SH3GLB1: variants seen among roughly 807,000 people sequenced by gnomAD.
The protein encoded by SH3GLB1 is endophilin-B1.
A neutral mutation model predicts 42.0 loss-of-function variants in SH3GLB1; 17 were observed. That is an observed-to-expected ratio of 0.40 (90% confidence interval 0.28 to 0.61). The LOEUF is 0.61. SH3GLB1 is among the 20% of genes least tolerant of loss of function. SH3GLB1 has a pLI of 0.36. For missense variants in SH3GLB1, 355 were observed against 426.3 expected (o/e 0.83, Z 1.47); for synonymous variants, 132 against 146.6 (o/e 0.90, Z 0.72).
At position 86,716,627 on chromosome 1, in the gene SH3GLB1, T is replaced by C. The variant is rs553386225; in HGVS notation, c.214+762T>C. Among the ~76,000 whole-genome samples the C allele has an allele frequency of 2.6e-5, 4 of 152,348 alleles. No individual in the cohort carries two copies. In the South Asian group the frequency reaches 6.2e-4, roughly 24 times the overall value. On this transcript the variant is annotated intron_variant, in intron 2 of 8. Coordinates refer to ENST00000370558, the MANE Select transcript of SH3GLB1 (RefSeq NM_016009.5). Reference sequence around the variant, plus strand: ...TTCACATAAATTATTTCATTTCATCTTCAGACAACTATGAGATTTTCAGAT... The same window carrying C: ...TTCACATAAATTATTTCATTTCATCCTCAGACAACTATGAGATTTTCAGAT...
rs1248359769 is a variant in SH3GLB1, at chr1:86,746,526, A to T, written c.*3291A>T. On this transcript the variant is annotated 3_prime_UTR_variant, in exon 9 of 9. Transcript: ENST00000370558. Reference sequence around the variant, plus strand: ...CATGTGAGTCTCAAACGCTGGAGAGAGAGTTCCACAACCACCCCTGCCCTT... The same window carrying T: ...CATGTGAGTCTCAAACGCTGGAGAGTGAGTTCCACAACCACCCCTGCCCTT... The T allele has an allele frequency of 6.6e-6, 1 of 152,242 alleles. No individual in the cohort carries two copies. The highest frequency in any genetic ancestry group is 1.5e-5 in the Non-Finnish European group (1 of 68,124). 9.4% of individuals were successfully genotyped at this position (152,242 alleles called of 1,614,324 possible). A position where few individuals can be genotyped will look rare whatever the true frequency, so the allele number is the denominator to read the frequency against.
chr1:86,708,010 T>C (rs1033896728), intron 1 of SH3GLB1, among the ~76,000 whole-genome samples: 11 of 152,148 alleles, frequency 7.2e-5, no homozygotes, highest in African/African-American at 2.7e-4. Context: ...CAACGGAATG[T>C]TGATAGTTGT....
In SH3GLB1 at chr1:86,747,361, T is replaced by C. The variant is rs1269691115; in HGVS notation, c.*4126T>C. 6.6e-6 allele frequency: 1 copy of C among 152,464 alleles called. No individual in the cohort carries two copies. The highest frequency in any genetic ancestry group is 1.5e-5 in the Non-Finnish European group (1 of 68,036). The allele number at this position is 152,464 out of a possible 1,614,324, so 9.4% of individuals were successfully genotyped here. A position where few individuals can be genotyped will look rare whatever the true frequency, so the allele number is the denominator to read the frequency against. Reference sequence around the variant, plus strand: ...TCTGAGAGTGGAGCCCAGCAATCTGTTGTAAAAGCTGTTTGAGTAATACTG... The same window carrying C: ...TCTGAGAGTGGAGCCCAGCAATCTGCTGTAAAAGCTGTTTGAGTAATACTG... On this transcript the variant is annotated 3_prime_UTR_variant, in exon 9 of 9. Transcript: ENST00000370558.
intron 5 of SH3GLB1, among the ~76,000 whole-genome samples, chr1:86,726,529 G>A (rs1655204296): frequency 6.6e-6 from 1 of 151,824 alleles, no homozygotes; most frequent in Non-Finnish European, 1.5e-5. Context: ...AGTAAAAGAT[G>A]ATACAAATGA....
chr1:86,716,250 G>T (rs868206922), intron 2 of SH3GLB1, among the ~76,000 whole-genome samples: 1 of 149,534 alleles, frequency 6.7e-6, no homozygotes, highest in Non-Finnish European at 1.5e-5. Flanking sequence ...TAAGTTTTTG[G>T]TGTGTTTTTT....
intron 5 of SH3GLB1, among the ~76,000 whole-genome samples, chr1:86,726,471 CG>C (rs1277102266): frequency 1.3e-5 from 2 of 151,772 alleles, no homozygotes; most frequent in Admixed American, 1.3e-4. Context: ...TTCTCTGCTG[CG>C]TATTTTTGAG....
intron 7 of SH3GLB1, among the ~76,000 whole-genome samples, chr1:86,738,264 T>G (rs1396497374): frequency 6.6e-6 from 1 of 151,898 alleles, no homozygotes; most frequent in Admixed American, 6.6e-5. Flanking sequence ...TTGTTTTGTT[T>G]TGTTTTGTTT....
At chr1:86,718,947 A>G (rs1439130982) in intron 2 of SH3GLB1, among the ~76,000 whole-genome samples, 1 of 152,240 alleles carries the variant, frequency 6.6e-6, no homozygotes, top group Admixed American at 6.5e-5. Context: ...CCAAGGCATC[A>G]TATTGCTGAT....
At position 86,742,400 on chromosome 1, in the gene SH3GLB1, A is replaced by G. The variant is rs752853311; in HGVS notation, c.954A>G (p.Ala318=). Residue 318 remains alanine (A), a synonymous_variant, in exon 8 of 9, where the codon GCA becomes GCG. Transcript: ENST00000370558. The stretch of plus-strand genomic sequence containing the variant: ...CCAGGGTTCTCTATGATTATGATGC[A>G]GCAAACAGTACTGAATTATCACTTC... ...RKARVLYDYD[A]ANSTELSLLA... The G allele has an allele frequency of 4.3e-6, 7 of 1,614,008 alleles. No individual in the cohort carries two copies. The South Asian group carries it at 6.6e-5, about 15-fold the overall frequency.
rs549256287 is a variant in SH3GLB1, at chr1:86,714,374, A to G, written c.73-1350A>G. 7.2e-5 allele frequency among the ~76,000 whole-genome samples: 11 copies of G among 152,284 alleles called. 1 individual carries two copies. In the South Asian group the frequency reaches 2.3e-3, roughly 32 times the overall value. ...TGCCCAGTCCTCCAGCTACACTGCA[A>G]GTTTATGGGCTTAGGCAATAGCTTT... On this transcript the variant is annotated intron_variant, in intron 1 of 8. Transcript: ENST00000370558.
At chr1:86,719,720 G>T in intron 3 of SH3GLB1, 85 bp downstream of exon 3, 1 of 1,405,294 alleles carries the variant, frequency 7.1e-7, no homozygotes, top group Non-Finnish European at 9.7e-7. Context: ...AGTAGGCCGG[G>T]TGCAGTGGCT....
chr1:86,736,255 G>A lies in SH3GLB1; in HGVS notation c.761+1076G>A, dbSNP rs558964833. Among the ~76,000 whole-genome samples the A allele has an allele frequency of 4.1e-4, 63 of 152,172 alleles. 2 individuals carry two copies. The South Asian group carries it at 0.013, about 31-fold the overall frequency. On this transcript the variant is annotated intron_variant, in intron 7 of 8. Coordinates refer to ENST00000370558, the MANE Select transcript of SH3GLB1 (RefSeq NM_016009.5). Reference sequence around the variant, plus strand: ...TGAGGAACCATTAAAGCAGGGGAGCGATATGTAGCATTTGAAGGATGAATA... The same window carrying A: ...TGAGGAACCATTAAAGCAGGGGAGCAATATGTAGCATTTGAAGGATGAATA...
In SH3GLB1 at chr1:86,742,424, T is replaced by C. The variant is rs751972654; in HGVS notation, c.978T>C (p.Leu326=). 6.2e-7 allele frequency: 1 copy of C among 1,613,694 alleles called. No individual in the cohort carries two copies. The highest frequency in any genetic ancestry group is 8.5e-7 in the Non-Finnish European group (1 of 1,179,650). The change falls in exon 8 of 9, where the codon CTT becomes CTC. Residue 326 remains leucine (L), a synonymous_variant. Coordinates refer to ENST00000370558, the MANE Select transcript of SH3GLB1 (RefSeq NM_016009.5). ...YDAANSTELS[L]LADEVITVFS... is the part of the protein sequence containing the mutation. Reference sequence around the variant, plus strand: ...CAGCAAACAGTACTGAATTATCACTTCTGGCAGATGAGGTGAGTATTGTGG... The same window carrying C: ...CAGCAAACAGTACTGAATTATCACTCCTGGCAGATGAGGTGAGTATTGTGG...
intron 5 of SH3GLB1, among the ~76,000 whole-genome samples, chr1:86,732,473 C>T (rs1655561632): frequency 6.6e-6 from 1 of 152,130 alleles, no homozygotes; most frequent in African/African-American, 2.4e-5. Flanking sequence ...TTCCTTTAGC[C>T]TCTCAGATCA....
Position 86,746,411 on chromosome 1 carries a change from GA to G in SH3GLB1, c.*3177del, listed in dbSNP as rs1476612630. 1 of 152,186 alleles carries G rather than the reference GA, an allele frequency of 6.6e-6. No homozygotes were observed. The highest frequency in any genetic ancestry group is 1.5e-5 in the Non-Finnish European group (1 of 68,056). 9.4% of individuals were successfully genotyped at this position (152,186 alleles called of 1,614,324 possible). A position where few individuals can be genotyped will look rare whatever the true frequency, so the allele number is the denominator to read the frequency against. On this transcript the variant is annotated 3_prime_UTR_variant, in exon 9 of 9. Transcript: ENST00000370558. Reference sequence around the variant, plus strand: ...ACTATTTAGCACTTTAAGCTTCAGTGAGGTGCTGTAATGGAGAGATAGCTTC... The same window carrying G: ...ACTATTTAGCACTTTAAGCTTCAGTGGGTGCTGTAATGGAGAGATAGCTTC...
At chr1:86,707,709 C>T (rs1377750557) in intron 1 of SH3GLB1, among the ~76,000 whole-genome samples, 3 of 137,276 alleles carry the variant, frequency 2.2e-5, no homozygotes, top group African/African-American at 5.6e-5. Context: ...AGTGCAATGG[C>T]GCGATCTCAG....
chr1:86,737,704 G>A (rs552716511), intron 7 of SH3GLB1, among the ~76,000 whole-genome samples: 1 of 152,112 alleles, frequency 6.6e-6, no homozygotes, highest in Non-Finnish European at 1.5e-5. Context: ...TCTATATGGG[G>A]GCAGAAGGGA....
Position 86,704,730 on chromosome 1 carries a change from C to T in SH3GLB1, c.-170C>T. The T allele has an allele frequency of 2.1e-6, 1 of 483,882 alleles. No individual in the cohort carries two copies. Among genetic ancestry groups the T allele is most frequent in the Non-Finnish European group, 3.6e-6 (1 of 274,716 alleles). The allele number at this position is 483,882 out of a possible 1,614,324, so 30.0% of individuals were successfully genotyped here. A position where few individuals can be genotyped will look rare whatever the true frequency, so the allele number is the denominator to read the frequency against. On this transcript the variant is annotated 5_prime_UTR_variant, in exon 1 of 9. Coordinates refer to ENST00000370558, the MANE Select transcript of SH3GLB1 (RefSeq NM_016009.5). ...GCGCTTGTTCTCCTCCCTCGCCCCG[C>T]CTTCATCCTCCCCGTTCACGGAAAC...
At chr1:86,724,888 A>AT (rs1428217607) in intron 5 of SH3GLB1, among the ~76,000 whole-genome samples, 2,104 of 98,858 alleles carry the variant, frequency 0.021, 61 homozygotes, top group African/African-American at 0.054. Flanking sequence ...AAAAAAAAAA[A>AT]AAAAATATAT....
Sources: gnomAD v4.1 joint callset for allele counts (sites outside exome capture counted in the v4.1 genomes callset) on GRCh38, gnomAD v4.1.1 for gene constraint, MANE v1.5 for transcripts, NCBI Gene and HGNC (gene_info 2026-07-23, HGNC 2026-07-21) for gene names.